Variants in RSPO2 observed in about 807,000 individuals in gnomAD.
RSPO2 encodes the protein R-spondin 2.
A neutral mutation model predicts 30.9 loss-of-function variants in RSPO2; 14 were observed. The observed-to-expected ratio is 0.45, with a 90% CI of 0.30 to 0.71. The LOEUF (loss-of-function observed/expected upper bound fraction) is 0.71. Ranked by LOEUF, RSPO2 falls within the 30% of genes least tolerant of loss-of-function variation. The pLI, the probability that RSPO2 is intolerant of heterozygous loss-of-function variation, is 0.08. For missense variants in RSPO2, 264 were observed against 301.9 expected (o/e 0.87, Z 0.93); for synonymous variants, 107 against 96.4 (o/e 1.11, Z -0.64).
intron 3 of RSPO2, 39 bp downstream of exon 3, chr8:107,989,017 A>G (rs1814749912): frequency 6.7e-7 from 1 of 1,491,096 alleles, no homozygotes; most frequent in African/African-American, 1.4e-5. Flanking sequence ...CCTAAGTTGC[A>G]TATCCAGCAA....
chr8:108,011,192 G>GGGAAAA (rs1330858137), intron 2 of RSPO2, among the ~76,000 whole-genome samples: 66 of 145,756 alleles, frequency 4.5e-4, no homozygotes, highest in Non-Finnish European at 9.0e-4. Flanking sequence ...GAAAAGGAAA[G>GGGAAAA]GGAAAAGGAA....
intron 2 of RSPO2, among the ~76,000 whole-genome samples, chr8:108,055,131 G>A (rs562437820): frequency 2.3e-4 from 35 of 150,662 alleles, no homozygotes; most frequent in Middle Eastern, 3.4e-3. Context: ...AAAAGAAAAA[G>A]AAAAGAAAAC....
chr8:107,978,244 A>G (rs1166939314), intron 3 of RSPO2, among the ~76,000 whole-genome samples: 3 of 152,082 alleles, frequency 2.0e-5, no homozygotes, highest in Non-Finnish European at 2.9e-5. Context: ...CCTGGCCAAC[A>G]TGGTGAAAAC....
rs75917981 is a variant in RSPO2, at chr8:107,997,514, A to G, written c.95-8270T>C. ...CCACCCAAAATTCTAAAGATGAAAT[A>G]TATCTCATAAAACATGGAAAATCCT... On this transcript the variant is annotated intron_variant, in intron 2 of 5. Transcript: ENST00000276659. 5.9e-3 allele frequency among the ~76,000 whole-genome samples: 894 copies of G among 152,336 alleles called. 10 individuals carry two copies. Among genetic ancestry groups the G allele is most frequent in the African/African-American group, 0.021 (853 of 41,578 alleles).
intron 3 of RSPO2, among the ~76,000 whole-genome samples, chr8:107,965,811 T>C (rs1813783987): frequency 6.6e-6 from 1 of 152,182 alleles, no homozygotes; most frequent in Admixed American, 6.5e-5. Context: ...ATTTCTAATA[T>C]TAAAAAGCCA....
At chr8:107,997,537 C>T (rs1586612918) in intron 2 of RSPO2, among the ~76,000 whole-genome samples, 1 of 152,074 alleles carries the variant, frequency 6.6e-6, no homozygotes, top group South Asian at 2.1e-4. Flanking sequence ...CATGGAAAAT[C>T]CTGAAAATAG....
At chr8:107,905,116 C>G (rs1393779459) in intron 5 of RSPO2, among the ~76,000 whole-genome samples, 1 of 152,042 alleles carries the variant, frequency 6.6e-6, no homozygotes, top group Non-Finnish European at 1.5e-5. Flanking sequence ...GCCAGTCAGA[C>G]AGTGATTTCA....
chr8:108,070,308 CAG>C (rs1812801720), intron 2 of RSPO2, among the ~76,000 whole-genome samples: 1 of 94,612 alleles, frequency 1.1e-5, no homozygotes, highest in Non-Finnish European at 1.9e-5. Context: ...TTTTTTGAGA[CAG>C]AGTCTCGCTC....
intron 5 of RSPO2, among the ~76,000 whole-genome samples, chr8:107,927,965 C>T (rs933724851): frequency 6.6e-6 from 1 of 152,062 alleles, no homozygotes; most frequent in South Asian, 2.1e-4. Context: ...CTAGCAAATT[C>T]TAAAATTCCT....
chr8:107,921,181 T>C (rs1449474397), intron 5 of RSPO2, among the ~76,000 whole-genome samples: 6 of 152,040 alleles, frequency 3.9e-5, no homozygotes, highest in South Asian at 2.1e-4. Context: ...ATGTTGTCTG[T>C]AGTGACTTTT....
intron 3 of RSPO2, among the ~76,000 whole-genome samples, chr8:107,981,396 CTGTAGTCCCAGCTACT>C: frequency 6.6e-6 from 1 of 151,910 alleles, no homozygotes; most frequent in African/African-American, 2.4e-5. Flanking sequence ...TGGCGTGCGC[CTGTAGTCCCAGCTACT>C]TGGTGCACTG....
intron 2 of RSPO2, among the ~76,000 whole-genome samples, chr8:108,070,369 T>G (rs1250043526): frequency 6.9e-6 from 1 of 143,972 alleles, no homozygotes; most frequent in East Asian, 2.1e-4. Flanking sequence ...CTCGGCTCAC[T>G]GCAAGCTCCG....
At chr8:107,933,499 A>G (rs1812615135) in intron 5 of RSPO2, among the ~76,000 whole-genome samples, 1 of 152,158 alleles carries the variant, frequency 6.6e-6, no homozygotes. Context: ...TTTATGTAAA[A>G]AAATGTTTTA....
At chr8:107,987,440 C>G (rs1814686169) in intron 3 of RSPO2, among the ~76,000 whole-genome samples, 1 of 152,192 alleles carries the variant, frequency 6.6e-6, no homozygotes, top group Non-Finnish European at 1.5e-5. Flanking sequence ...CCCTTTCCTT[C>G]CTCAATTCCA....
chr8:108,015,069 T>C (rs1810840744), intron 2 of RSPO2, among the ~76,000 whole-genome samples: 1 of 152,200 alleles, frequency 6.6e-6, no homozygotes, highest in Admixed American at 6.5e-5. Context: ...TGTAGAAAAG[T>C]ACCCCATATT....
chr8:107,930,032 T>C (rs10505116), intron 5 of RSPO2, among the ~76,000 whole-genome samples: 14,721 of 152,236 alleles, frequency 0.097, 833 homozygotes, highest in East Asian at 0.18. Flanking sequence ...ATCAGTACCA[T>C]TAAGATCATT....
chr8:108,060,162 C>G (rs904917393), intron 2 of RSPO2, among the ~76,000 whole-genome samples: 1 of 151,670 alleles, frequency 6.6e-6, no homozygotes, highest in African/African-American at 2.4e-5. Context: ...TCCTCGCCAG[C>G]AATGGAACAA....
At chr8:108,012,022 GAGAA>G (rs1325156629) in intron 2 of RSPO2, among the ~76,000 whole-genome samples, 1 of 152,184 alleles carries the variant, frequency 6.6e-6, no homozygotes, top group Admixed American at 6.5e-5. Context: ...ATAAGAAAAA[GAGAA>G]AGAGCTGGGA....
intron 5 of RSPO2, among the ~76,000 whole-genome samples, chr8:107,902,107 T>C (rs1811494976): frequency 6.6e-6 from 1 of 152,174 alleles, no homozygotes; most frequent in South Asian, 2.1e-4. Context: ...CTGTCTTAGG[T>C]CCATCACCTC....
Sources: allele counts gnomAD v4.1 joint callset (sites outside exome capture counted in the v4.1 genomes callset), GRCh38; gene constraint gnomAD v4.1.1; transcripts MANE v1.5; gene names NCBI Gene and HGNC (gene_info 2026-07-23, HGNC 2026-07-21).